The following STK32A variants were observed in gnomAD, a reference collection of about 807,000 sequenced individuals.
The protein encoded by STK32A is serine/threonine-protein kinase 32A.
Under a neutral mutation model 53.2 loss-of-function variants are expected in STK32A, and 41 were observed. That is an observed-to-expected ratio of 0.77 (90% CI 0.60 to 1.00). STK32A has a LOEUF of 1.00. Among genes scored for constraint, STK32A ranks in the 50% least tolerant of loss-of-function variants. The pLI is 0.00. For synonymous variants in STK32A, 166 were observed against 162.8 expected (o/e 1.02, Z -0.15); for missense variants, 458 against 485.8 (o/e 0.94, Z 0.54).
intron 2 of STK32A, among the ~76,000 whole-genome samples, chr5:147,276,067 A>G (rs1430388118): frequency 6.6e-6 from 1 of 152,184 alleles, no homozygotes; most frequent in Admixed American, 6.5e-5. Flanking sequence ...AAAATCTTGA[A>G]TTTGCAAATA....
At chr5:147,254,561 A>G (rs1754141137) in intron 2 of STK32A, among the ~76,000 whole-genome samples, 3 of 152,350 alleles carry the variant, frequency 2.0e-5, no homozygotes, top group Admixed American at 2.0e-4. Context: ...CCTTACAGAT[A>G]GAATAATGGT....
At chr5:147,315,606 G>C (rs1753956175) in intron 4 of STK32A, among the ~76,000 whole-genome samples, 1 of 152,324 alleles carries the variant, frequency 6.6e-6, no homozygotes. Flanking sequence ...AATGGGTATA[G>C]AGTTTCTGTT....
At chr5:147,368,612 GTAAA>G (rs1244778124) in intron 8 of STK32A, among the ~76,000 whole-genome samples, 2 of 151,916 alleles carry the variant, frequency 1.3e-5, no homozygotes, top group East Asian at 3.9e-4. Flanking sequence ...TAAATAATTG[GTAAA>G]TAAATAAATA....
At chr5:147,257,172 G>A (rs968922457) in intron 2 of STK32A, among the ~76,000 whole-genome samples, 1 of 151,546 alleles carries the variant, frequency 6.6e-6, no homozygotes, top group Non-Finnish European at 1.5e-5. Context: ...ACAAAAACTG[G>A]TTGGGGCAAT....
chr5:147,259,116 C>T (rs1287862538), intron 2 of STK32A, among the ~76,000 whole-genome samples: 4 of 152,068 alleles, frequency 2.6e-5, no homozygotes, highest in African/African-American at 9.7e-5. Flanking sequence ...GATTTAGATC[C>T]CCTGTTAGGA....
intron 5 of STK32A, among the ~76,000 whole-genome samples, chr5:147,333,349 T>C (rs1421195595): frequency 1.3e-5 from 2 of 152,182 alleles, no homozygotes; most frequent in Non-Finnish European, 2.9e-5. Flanking sequence ...ATGCATATAG[T>C]TTTATATCCT....
chr5:147,337,714 G>A (rs1478201249), intron 5 of STK32A, among the ~76,000 whole-genome samples: 16 of 152,006 alleles, frequency 1.1e-4, no homozygotes, highest in South Asian at 2.1e-4. Flanking sequence ...GGGGTTGGGG[G>A]TTGGGGGTTG....
At chr5:147,256,189 C>T (rs1444814547) in intron 2 of STK32A, among the ~76,000 whole-genome samples, 1 of 152,188 alleles carries the variant, frequency 6.6e-6, no homozygotes, top group East Asian at 1.9e-4. Context: ...CTTCAGGTCT[C>T]CAAGGAACAC....
At chr5:147,374,820 T>C (rs1365126471) in intron 10 of STK32A, among the ~76,000 whole-genome samples, 1 of 152,188 alleles carries the variant, frequency 6.6e-6, no homozygotes, top group Non-Finnish European at 1.5e-5. Flanking sequence ...TTCGGAAACA[T>C]AACCCAAAAT....
intron 4 of STK32A, among the ~76,000 whole-genome samples, chr5:147,306,070 G>A (rs868051134): frequency 6.6e-6 from 1 of 151,804 alleles, no homozygotes; most frequent in Non-Finnish European, 1.5e-5. Flanking sequence ...ACTCACATCC[G>A]CAATGTATGA....
At chr5:147,271,449 G>A (rs1242024583) in intron 2 of STK32A, among the ~76,000 whole-genome samples, 2 of 151,886 alleles carry the variant, frequency 1.3e-5, no homozygotes, top group Non-Finnish European at 2.9e-5. Flanking sequence ...ATGAAATCTG[G>A]GCACCTTGAA....
intron 2 of STK32A, among the ~76,000 whole-genome samples, chr5:147,260,955 G>T (rs186381050): frequency 1.3e-5 from 2 of 152,230 alleles, no homozygotes; most frequent in Non-Finnish European, 2.9e-5. Flanking sequence ...GGCTGCCGCG[G>T]CTTCTCCTTC....
chr5:147,295,681 T>C (rs1057307408), intron 4 of STK32A, among the ~76,000 whole-genome samples: 2 of 152,220 alleles, frequency 1.3e-5, no homozygotes. Context: ...CATATAAACA[T>C]GCAGACACAC....
chr5:147,395,640 G>A, the STK32A span: 2 of 1,614,116 alleles, frequency 1.2e-6, no homozygotes, highest in Non-Finnish European at 1.7e-6. Flanking sequence ...GAGCCTGCGG[G>A]GGTGCCACCT....
intron 2 of STK32A, among the ~76,000 whole-genome samples, chr5:147,255,553 A>G (rs2151944205): frequency 6.6e-6 from 1 of 152,300 alleles, no homozygotes; most frequent in East Asian, 1.9e-4. Context: ...TGGCTAACTT[A>G]TTGGATAGAG....
intron 4 of STK32A, among the ~76,000 whole-genome samples, chr5:147,284,822 A>T (rs1204596551): frequency 6.6e-6 from 1 of 152,212 alleles, no homozygotes; most frequent in Admixed American, 6.5e-5. Flanking sequence ...AAATGGAAAC[A>T]TGTCCCATGC....
chr5:147,262,629 A>AG (rs1299282463), intron 2 of STK32A, among the ~76,000 whole-genome samples: 1 of 152,022 alleles, frequency 6.6e-6, no homozygotes, highest in East Asian at 1.9e-4. Context: ...TTCTAGGGAA[A>AG]GATGCTGAAT....
At chr5:147,345,065 C>T (rs183668364) in intron 6 of STK32A, among the ~76,000 whole-genome samples, 1 of 152,112 alleles carries the variant, frequency 6.6e-6, no homozygotes, top group Non-Finnish European at 1.5e-5. Flanking sequence ...TAGAGACTAC[C>T]CTTGTGAAAG....
chr5:147,275,333 C>CT (rs10595898), intron 2 of STK32A, among the ~76,000 whole-genome samples: 58 of 148,868 alleles, frequency 3.9e-4, no homozygotes, highest in East Asian at 2.2e-3. Context: ...CTTCCAGTCA[C>CT]TTTTTTTTTT....
Sources: gnomAD v4.1 joint callset for allele counts (sites outside exome capture counted in the v4.1 genomes callset) on GRCh38, gnomAD v4.1.1 for gene constraint, MANE v1.5 for transcripts, NCBI Gene and HGNC (gene_info 2026-07-23, HGNC 2026-07-21) for gene names.